ECM2: variants seen among roughly 807,000 people sequenced by gnomAD.
ECM2 encodes extracellular matrix protein 2, female organ and adipocyte specific.
In ECM2, 57 loss-of-function variants were observed where a neutral mutation model predicts 67.5. The observed-to-expected ratio is 0.84, with a 90% confidence interval of 0.68 to 1.05. The LOEUF is 1.05. Ranked by LOEUF, ECM2 falls within the 50% of genes least tolerant of loss-of-function variation. The pLI, the probability that ECM2 is intolerant of heterozygous loss-of-function variation, is 0.00. For synonymous variants in ECM2, 258 were observed against 294.5 expected, an observed-to-expected ratio of 0.88 and a Z score of 1.27; for missense variants, 741 against 822.8, an observed-to-expected ratio of 0.90 and a Z score of 1.22.
At position 92,522,912 on chromosome 9, in the gene ECM2, T is replaced by G. The variant is rs769501094; in HGVS notation, c.-27-19A>C. The G allele has an allele frequency of 1.9e-6, 3 of 1,543,680 alleles. No individual in the cohort carries two copies. The African/African-American group carries it at 4.1e-5, about 21-fold the overall frequency. ...CCAATTTCTAGAATGAAACAATATTTCAAAGTTAGTGGTGACTAAATTTTT... is the reference window on the plus strand; with the variant it reads ...CCAATTTCTAGAATGAAACAATATTGCAAAGTTAGTGGTGACTAAATTTTT... On this transcript the variant is annotated intron_variant, in intron 1 of 9. Transcript: ENST00000344604.
intron 2 of ECM2, among the ~76,000 whole-genome samples, chr9:92,522,307 T>C (rs948806041): frequency 1.3e-5 from 2 of 152,042 alleles, no homozygotes; most frequent in Non-Finnish European, 2.9e-5. Flanking sequence ...AGGCTGGTCT[T>C]AAACTCCTGA....
the ECM2 span, among the ~76,000 whole-genome samples, chr9:92,556,866 T>C: frequency 6.6e-6 from 1 of 152,186 alleles, no homozygotes; most frequent in Admixed American, 6.5e-5. Flanking sequence ...CCTGTGTACT[T>C]TGTGGGTTTT....
At chr9:92,514,529 C>T in intron 4 of ECM2, 102 bp downstream of exon 4, 1 of 1,444,114 alleles carries the variant, frequency 6.9e-7, no homozygotes, top group Admixed American at 2.5e-5. Flanking sequence ...GCCACCTCAG[C>T]CTTTCAAAGT....
chr9:92,514,424 C>T (rs2131205730), intron 4 of ECM2, among the ~76,000 whole-genome samples: 1 of 151,820 alleles, frequency 6.6e-6, no homozygotes, highest in South Asian at 2.1e-4. Context: ...ACAGGCATGC[C>T]CCACCACGCC....
At chr9:92,510,146 G>T in intron 5 of ECM2, 112 bp from the exon 6 acceptor site, 2 of 1,247,082 alleles carry the variant, frequency 1.6e-6, no homozygotes, top group Non-Finnish European at 2.2e-6. Flanking sequence ...CTTAGGCTTA[G>T]ACAGTAATGT....
chr9:92,514,809 C>T lies in ECM2; in HGVS notation c.876G>A (p.Pro292=), dbSNP rs756344651. 72 of 1,613,382 alleles carry T rather than the reference C, an allele frequency of 4.5e-5. No homozygotes were observed. The East Asian group carries it at 7.6e-4, about 17-fold the overall frequency. Residue 292 remains proline, a synonymous_variant, in exon 4 of 10, where the codon CCG becomes CCA. Transcript: ENST00000344604. ...GCATTCGGAACATATCTCCTCTTACCGGGTCCTCCTCGTCCTCCTCATCCT... is the reference window on the plus strand; with the variant it reads ...GCATTCGGAACATATCTCCTCTTACTGGGTCCTCCTCGTCCTCCTCATCCT... ...GEEDEEDEED[P]VRGDMFRMPS...
At chr9:92,543,926 C>T in the ECM2 span, among the ~76,000 whole-genome samples, 2 of 152,094 alleles carry the variant, frequency 1.3e-5, no homozygotes, top group East Asian at 3.9e-4. Context: ...TCAATTCTAG[C>T]AGTTTTTTGG....
intron 2 of ECM2, among the ~76,000 whole-genome samples, chr9:92,518,332 C>T (rs1847853672): frequency 6.6e-6 from 1 of 152,198 alleles, no homozygotes; most frequent in Non-Finnish European, 1.5e-5. Flanking sequence ...CACATGAGCT[C>T]TTAAAGTGTC....
chr9:92,558,841 G>T, the ECM2 span, among the ~76,000 whole-genome samples: 1 of 152,030 alleles, frequency 6.6e-6, no homozygotes, highest in Non-Finnish European at 1.5e-5. Context: ...AGATTCCCAG[G>T]TCACTGGAGT....
intron 5 of ECM2, among the ~76,000 whole-genome samples, chr9:92,511,153 T>C (rs934380770): frequency 2.0e-5 from 3 of 152,148 alleles, no homozygotes; most frequent in African/African-American, 7.2e-5. Context: ...TGAGACAGGG[T>C]CTTCCTCTGT....
intron 2 of ECM2, among the ~76,000 whole-genome samples, chr9:92,518,591 C>A (rs1304861529): frequency 2.0e-5 from 3 of 152,144 alleles, no homozygotes; most frequent in Non-Finnish European, 4.4e-5. Flanking sequence ...CTATAATATT[C>A]ACCCTTTTGA....
chr9:92,498,558 ATAATAT>A (rs1846492116), intron 9 of ECM2, among the ~76,000 whole-genome samples: 1 of 152,150 alleles, frequency 6.6e-6, no homozygotes, highest in Non-Finnish European at 1.5e-5. Context: ...ACAGTCAAAA[ATAATAT>A]TAATTCAAAA....
rs753874311 is a variant in ECM2, at chr9:92,535,979, C to T, written c.-74G>A. The T allele has an allele frequency of 3.3e-5, 17 of 512,026 alleles. No homozygotes were observed. Among genetic ancestry groups the T allele is most frequent in the African/African-American group, 2.3e-4 (12 of 51,646 alleles). 31.7% of individuals were successfully genotyped at this position (512,026 alleles called of 1,614,324 possible). A position where few individuals can be genotyped will look rare whatever the true frequency, so the allele number is the denominator to read the frequency against. On this transcript the variant is annotated 5_prime_UTR_variant, in exon 1 of 10. Coordinates refer to ENST00000344604, the MANE Select transcript of ECM2 (RefSeq NM_001393.4). ...GCTTTGCTTGGTGTCATTTAAGTCT[C>T]CAGCTGAAAATGAAACAAAATCAGA...
At chr9:92,558,479 T>C in the ECM2 span, among the ~76,000 whole-genome samples, 1 of 152,196 alleles carries the variant, frequency 6.6e-6, no homozygotes, top group Non-Finnish European at 1.5e-5. Flanking sequence ...GTACAGAGTC[T>C]TGTGATGTGA....
intron 1 of ECM2, among the ~76,000 whole-genome samples, chr9:92,529,377 C>T (rs147900697): frequency 6.6e-6 from 1 of 152,260 alleles, no homozygotes; most frequent in African/African-American, 2.4e-5. Flanking sequence ...ATGGTACAGC[C>T]ACTTTGGAAG....
the ECM2 span, among the ~76,000 whole-genome samples, chr9:92,553,900 C>A: frequency 6.6e-6 from 1 of 152,018 alleles, no homozygotes; most frequent in Non-Finnish European, 1.5e-5. Context: ...ATTTGGATGC[C>A]CTTTATTTCT....
chr9:92,525,893 C>CAAA (rs71362395), intron 1 of ECM2, among the ~76,000 whole-genome samples: 69 of 43,702 alleles, frequency 1.6e-3, no homozygotes, highest in African/African-American at 3.5e-3. Context: ...ACTCTATCTC[C>CAAA]AAAAAAAAAA....
At chr9:92,512,671 T>G (rs1209989637) in intron 4 of ECM2, among the ~76,000 whole-genome samples, 1 of 152,204 alleles carries the variant, frequency 6.6e-6, no homozygotes, top group Non-Finnish European at 1.5e-5. Context: ...CTACAAAGGT[T>G]CCTGTATGCT....
chr9:92,548,223 C>G, the ECM2 span, among the ~76,000 whole-genome samples: 1 of 117,314 alleles, frequency 8.5e-6, no homozygotes, highest in African/African-American at 4.8e-5. Flanking sequence ...TTTGTGGGGT[C>G]TTTCACTGCT....
Sources: gnomAD v4.1 joint callset for allele counts (sites outside exome capture counted in the v4.1 genomes callset) on GRCh38, gnomAD v4.1.1 for gene constraint, MANE v1.5 for transcripts, NCBI Gene and HGNC (gene_info 2026-07-23, HGNC 2026-07-21) for gene names.